Variants in IGF1R observed in about 807,000 individuals in gnomAD.
The protein encoded by IGF1R is insulin-like growth factor 1 receptor.
A neutral mutation model predicts 144.6 loss-of-function variants in IGF1R; 44 were observed. That is an observed-to-expected ratio of 0.30 (90% CI 0.24 to 0.39). The LOEUF (loss-of-function observed/expected upper bound fraction) is 0.39, where lower values mean the gene tolerates loss of function less well. Ranked by LOEUF, IGF1R falls within the 10% of genes least tolerant of loss-of-function variation. IGF1R has a pLI of 1.00. For missense variants in IGF1R, 1,355 were observed against 1,833.7 expected (o/e 0.74, Z 4.77); for synonymous variants, 795 against 722.8 (o/e 1.10, Z -1.60).
rs529415234 is a variant in IGF1R, at chr15:98,651,917, G to T, written c.94+2242G>T. On this transcript the variant is annotated intron_variant, in intron 1 of 20. Coordinates refer to ENST00000650285, the MANE Select transcript of IGF1R (RefSeq NM_000875.5). ...AATTAAAAGCTATGCCTGTGAACGG[G>T]CGTTCAGTTTTTAGCCGGGAAGGTG... Among the ~76,000 whole-genome samples the T allele has an allele frequency of 1.3e-3, 200 of 152,286 alleles. 1 individual carries two copies. Among genetic ancestry groups the T allele is most frequent in the African/African-American group, 4.4e-3 (184 of 41,540 alleles).
intron 2 of IGF1R, among the ~76,000 whole-genome samples, chr15:98,781,929 G>C (rs2055869419): frequency 6.6e-6 from 1 of 152,212 alleles, no homozygotes; most frequent in Middle Eastern, 3.4e-3. Flanking sequence ...AATCCTCTGA[G>C]CATCTTTTCA....
chr15:98,870,136 T>C (rs1203547059), intron 2 of IGF1R, among the ~76,000 whole-genome samples: 2 of 152,240 alleles, frequency 1.3e-5, no homozygotes, highest in African/African-American at 4.8e-5. Flanking sequence ...CCAACCGTTT[T>C]TATGTGTACA....
chr15:98,916,704 A>G lies in IGF1R; in HGVS notation c.2029A>G (p.Thr677Ala), dbSNP rs2015267223. The G allele has an allele frequency of 6.2e-7, 1 of 1,613,972 alleles. No individual in the cohort carries two copies. The highest frequency in any genetic ancestry group is 8.5e-7 in the Non-Finnish European group (1 of 1,180,010). ...CCCCATCAGGAAGTATGCCGACGGCACCATCGACATTGAGGAGGTCACAGA... is the reference window on the plus strand; with the variant it reads ...CCCCATCAGGAAGTATGCCGACGGCGCCATCGACATTGAGGAGGTCACAGA... ...KIPIRKYADG[T>A]IDIEEVTENP... Residue 677 changes from threonine (T) to alanine (A), a missense_variant, in exon 10 of 21, where the codon ACC (threonine) becomes GCC (alanine). Transcript: ENST00000650285.
chr15:98,926,725 A>T (rs1195888825), intron 13 of IGF1R, among the ~76,000 whole-genome samples: 2 of 152,242 alleles, frequency 1.3e-5, no homozygotes, highest in Non-Finnish European at 2.9e-5. Flanking sequence ...TCTTGAGCCA[A>T]CATTTTATGT....
chr15:98,923,359 C>T (rs139547359), intron 11 of IGF1R, among the ~76,000 whole-genome samples: 46 of 152,248 alleles, frequency 3.0e-4, no homozygotes, highest in African/African-American at 9.6e-4. Context: ...GGCCATCCTT[C>T]GTGCCTGCAT....
intron 1 of IGF1R, among the ~76,000 whole-genome samples, chr15:98,662,508 T>C (rs2052624223): frequency 6.6e-6 from 1 of 152,044 alleles, no homozygotes; most frequent in Non-Finnish European, 1.5e-5. Flanking sequence ...GTTTCTGATA[T>C]CTAGATTATT....
In IGF1R at chr15:98,948,616, G is replaced by A. The variant is rs2016648465; in HGVS notation, c.3630G>A (p.Glu1210=). 1 of 1,613,984 alleles carries A rather than the reference G, an allele frequency of 6.2e-7. No homozygotes were observed. The highest frequency in any genetic ancestry group is 8.5e-7 in the Non-Finnish European group (1 of 1,179,974). ...TCTGGGAGATCGCCACACTGGCCGA[G>A]CAGCCCTACCAGGGCTTGTCCAACG... ...VVLWEIATLA[E]QPYQGLSNEQ... Residue 1210 remains glutamate (E), a synonymous_variant, in exon 20 of 21, where the codon GAG becomes GAA. Transcript: ENST00000650285.
intron 18 of IGF1R, among the ~76,000 whole-genome samples, chr15:98,939,729 C>T (rs1265271383): frequency 6.6e-6 from 1 of 152,228 alleles, no homozygotes; most frequent in Non-Finnish European, 1.5e-5. Flanking sequence ...TTCATCCCTC[C>T]AATTTTCCTA....
chr15:98,680,466 C>T (rs28855166), intron 1 of IGF1R, among the ~76,000 whole-genome samples: 1 of 151,732 alleles, frequency 6.6e-6, no homozygotes, highest in Admixed American at 6.6e-5. Context: ...CAGCGTTGCA[C>T]CGTGTTAGCC....
intron 2 of IGF1R, among the ~76,000 whole-genome samples, chr15:98,802,965 T>C (rs534227087): frequency 1.3e-5 from 2 of 152,320 alleles, no homozygotes; most frequent in East Asian, 1.9e-4. Context: ...ATATTTAAAT[T>C]GTAGCTGACT....
chr15:98,779,592 A>T (rs996102712), intron 2 of IGF1R, among the ~76,000 whole-genome samples: 8 of 152,214 alleles, frequency 5.3e-5, no homozygotes, highest in Admixed American at 1.3e-4. Context: ...GTGAAATTTT[A>T]CTGTTTTGAG....
At chr15:98,832,608 A>T (rs1408317339) in intron 2 of IGF1R, among the ~76,000 whole-genome samples, 1 of 151,760 alleles carries the variant, frequency 6.6e-6, no homozygotes, top group Non-Finnish European at 1.5e-5. Context: ...GTAGATCTTG[A>T]TTGCCTTTCT....
intron 6 of IGF1R, 48 bp from the exon 7 acceptor site, chr15:98,911,267 C>G (rs774027130): frequency 6.2e-7 from 1 of 1,612,764 alleles, no homozygotes; most frequent in Non-Finnish European, 8.5e-7. Context: ...AGGTGCTTTT[C>G]AGAGACACAT....
chr15:98,893,212 G>T (rs904029664), intron 3 of IGF1R, among the ~76,000 whole-genome samples: 1 of 152,150 alleles, frequency 6.6e-6, no homozygotes, highest in East Asian at 1.9e-4. Context: ...TTATAAAGGG[G>T]ATTCTTTTTC....
intron 2 of IGF1R, among the ~76,000 whole-genome samples, chr15:98,736,575 A>G (rs751569161): frequency 6.7e-6 from 1 of 149,134 alleles, no homozygotes; most frequent in East Asian, 2.0e-4. Flanking sequence ...GGGGCTGCAT[A>G]TATTTTCCTA....
chr15:98,731,953 C>A (rs1201267016), intron 2 of IGF1R, among the ~76,000 whole-genome samples: 3 of 152,160 alleles, frequency 2.0e-5, no homozygotes, highest in African/African-American at 7.2e-5. Flanking sequence ...CAGTTGGATT[C>A]CTCTCAGAGA....
intron 2 of IGF1R, among the ~76,000 whole-genome samples, chr15:98,852,480 C>T (rs1248799309): frequency 1.3e-5 from 2 of 152,242 alleles, no homozygotes; most frequent in Non-Finnish European, 2.9e-5. Flanking sequence ...GGGGCCCGGG[C>T]AGCGACTGGC....
At chr15:98,938,512 C>T (rs965634610) in intron 17 of IGF1R, among the ~76,000 whole-genome samples, 1 of 152,206 alleles carries the variant, frequency 6.6e-6, no homozygotes, top group African/African-American at 2.4e-5. Flanking sequence ...TTGCTGTCCT[C>T]TGCAAAGAGG....
chr15:98,871,622 A>G (rs942393413), intron 2 of IGF1R, among the ~76,000 whole-genome samples: 2 of 152,250 alleles, frequency 1.3e-5, no homozygotes, highest in African/African-American at 2.4e-5. Context: ...AGAGGCCTCA[A>G]AATCATGGCG....
Sources: gnomAD v4.1 joint callset for allele counts (sites outside exome capture counted in the v4.1 genomes callset) on GRCh38, gnomAD v4.1.1 for gene constraint, MANE v1.5 for transcripts, NCBI Gene and HGNC (gene_info 2026-07-23, HGNC 2026-07-21) for gene names.